The following DSCAM variants were observed in gnomAD, a reference collection of about 807,000 sequenced individuals.
DSCAM encodes the protein cell adhesion molecule DSCAM.
Under a neutral mutation model 217.7 loss-of-function variants are expected in DSCAM, and 47 were observed. The ratio of observed to expected loss-of-function variants is 0.22; its 90% CI spans 0.17 to 0.28. DSCAM has a LOEUF of 0.28. DSCAM is among the 10% of genes least tolerant of loss of function. The probability of loss-of-function intolerance (pLI) is 1.00; values close to 1 mark genes in which losing one functional copy is unlikely to be tolerated. For missense variants in DSCAM, 2,080 were observed against 2,618.3 expected, an observed-to-expected ratio of 0.79 and a Z score of 4.49; for synonymous variants, 1,056 against 1,015.3, an observed-to-expected ratio of 1.04 and a Z score of -0.76.
intron 3 of DSCAM, among the ~76,000 whole-genome samples, chr21:40,560,111 C>CTA (rs1048380643): frequency 2.8e-4 from 42 of 152,158 alleles, no homozygotes; most frequent in Admixed American, 2.6e-4. Context: ...GTCTTTTGAA[C>CTA]TAAACACTTG....
At chr21:40,736,645 G>T (rs1378547567) in intron 1 of DSCAM, among the ~76,000 whole-genome samples, 1 of 152,142 alleles carries the variant, frequency 6.6e-6, no homozygotes, top group Non-Finnish European at 1.5e-5. Flanking sequence ...GAACAAAAGA[G>T]GCTTCCTTCA....
intron 1 of DSCAM, among the ~76,000 whole-genome samples, chr21:40,762,341 C>T (rs1287157039): frequency 6.6e-6 from 1 of 152,160 alleles, no homozygotes; most frequent in Non-Finnish European, 1.5e-5. Flanking sequence ...CACCTCTACA[C>T]ACATAAACTA....
At chr21:40,031,998 G>T (rs143979134) in intron 32 of DSCAM, among the ~76,000 whole-genome samples, 134 of 152,218 alleles carry the variant, frequency 8.8e-4, no homozygotes, top group African/African-American at 3.1e-3. Flanking sequence ...CAACTTTCTG[G>T]CCTCCTACAA....
intron 16 of DSCAM, among the ~76,000 whole-genome samples, chr21:40,151,786 G>A (rs2090425448): frequency 6.6e-6 from 1 of 152,186 alleles, no homozygotes; most frequent in Non-Finnish European, 1.5e-5. Flanking sequence ...GTGGATTCAA[G>A]CTGAGAGTTG....
chr21:40,471,950 C>T (rs1170341336), intron 3 of DSCAM, among the ~76,000 whole-genome samples: 1 of 152,130 alleles, frequency 6.6e-6, no homozygotes, highest in African/African-American at 2.4e-5. Context: ...CCGTTCTCCC[C>T]ATCCCACAAC....
At chr21:40,438,013 T>G (rs1306745634) in intron 3 of DSCAM, among the ~76,000 whole-genome samples, 1 of 152,226 alleles carries the variant, frequency 6.6e-6, no homozygotes, top group African/African-American at 2.4e-5. Flanking sequence ...TGAAGCTGCC[T>G]TCTTGCTCGC....
rs1457449402 is a variant in DSCAM, at chr21:40,154,142, CCTTTCCTCTCCTCTCTCCTTT to C, written c.3019-9432_3019-9412del. On this transcript the variant is annotated intron_variant, in intron 16 of 32. Transcript: ENST00000400454. The stretch of plus-strand genomic sequence containing the variant: ...TCTTACATTATTGCCTCAAATAATT[CCTTTCCTCTCCTCTCTCCTTT>C]CTTTCCTCTCCTTTCTTCTTCCTTC... 6.2e-4 allele frequency among the ~76,000 whole-genome samples: 94 copies of C among 151,834 alleles called. 1 individual carries two copies. Among genetic ancestry groups the C allele is most frequent in the African/African-American group, 2.2e-3 (92 of 41,384 alleles).
At chr21:40,506,559 G>A (rs1400283217) in intron 3 of DSCAM, among the ~76,000 whole-genome samples, 4 of 152,314 alleles carry the variant, frequency 2.6e-5, no homozygotes, top group African/African-American at 9.6e-5. Flanking sequence ...CCAGATTCAG[G>A]AGAGTTAGCA....
intron 1 of DSCAM, among the ~76,000 whole-genome samples, chr21:40,713,730 A>G (rs2090808673): frequency 6.6e-6 from 1 of 152,236 alleles, no homozygotes; most frequent in South Asian, 2.1e-4. Context: ...TTAGCACTAC[A>G]TCTTGTTAAG....
At chr21:40,287,212 A>G (rs562889316) in intron 10 of DSCAM, among the ~76,000 whole-genome samples, 43 of 147,448 alleles carry the variant, frequency 2.9e-4, no homozygotes, top group African/African-American at 1.1e-3. Context: ...TATGATGTGC[A>G]GTGTGATCAC....
At chr21:40,713,860 T>C (rs959121296) in intron 1 of DSCAM, among the ~76,000 whole-genome samples, 19 of 152,168 alleles carry the variant, frequency 1.2e-4, no homozygotes, top group Non-Finnish European at 2.2e-4. Flanking sequence ...AATAACTAGA[T>C]GAGCTAATAA....
chr21:40,692,660 A>AT, intron 3 of DSCAM, 150 bp downstream of exon 3: 1 of 978,700 alleles, frequency 1.0e-6, no homozygotes, highest in South Asian at 2.2e-5. Context: ...CAAAACACTT[A>AT]TTTCAGGTTT....
At chr21:40,142,794 T>C (rs1450824257) in intron 17 of DSCAM, 90 bp from the exon 18 acceptor site, 1 of 1,447,994 alleles carries the variant, frequency 6.9e-7, no homozygotes, top group Non-Finnish European at 9.2e-7. Flanking sequence ...AATATTTCAA[T>C]ATGCAAGCAA....
chr21:40,364,797 T>C (rs1182260108), intron 4 of DSCAM, among the ~76,000 whole-genome samples: 1 of 148,100 alleles, frequency 6.8e-6, no homozygotes, highest in Non-Finnish European at 1.5e-5. Flanking sequence ...TACATATATA[T>C]ACACACTAAG....
chr21:40,484,045 C>T (rs2837657), intron 3 of DSCAM, among the ~76,000 whole-genome samples: 23 of 151,982 alleles, frequency 1.5e-4, no homozygotes, highest in Non-Finnish European at 3.2e-4. Flanking sequence ...TGTAGGTCCT[C>T]GGCAACAAAA....
intron 3 of DSCAM, among the ~76,000 whole-genome samples, chr21:40,390,874 C>T (rs191286018): frequency 2.0e-5 from 3 of 152,112 alleles, no homozygotes; most frequent in African/African-American, 7.2e-5. Context: ...GAGCCACTGG[C>T]GCATTAGAGC....
intron 3 of DSCAM, among the ~76,000 whole-genome samples, chr21:40,548,044 C>T (rs934548351): frequency 6.6e-6 from 1 of 152,144 alleles, no homozygotes; most frequent in African/African-American, 2.4e-5. Context: ...AGCAGAGCTG[C>T]GGAGGAGCGG....
At chr21:40,156,955 C>T (rs570212845) in intron 16 of DSCAM, among the ~76,000 whole-genome samples, 3 of 152,248 alleles carry the variant, frequency 2.0e-5, no homozygotes, top group African/African-American at 7.2e-5. Context: ...TTGGATGTGG[C>T]TCCCTCTCGA....
chr21:40,072,811 A>C (rs1009200074), intron 27 of DSCAM, among the ~76,000 whole-genome samples: 1 of 152,068 alleles, frequency 6.6e-6, no homozygotes, highest in African/African-American at 2.4e-5. Context: ...CTTTCTTCCT[A>C]CTGAAACCTT....
Sources: gnomAD v4.1 joint callset for allele counts (sites outside exome capture counted in the v4.1 genomes callset) on GRCh38, gnomAD v4.1.1 for gene constraint, MANE v1.5 for transcripts, NCBI Gene and HGNC (gene_info 2026-07-23, HGNC 2026-07-21) for gene names.